Variants in MAF observed in about 807,000 individuals in gnomAD.
MAF encodes MAF bZIP transcription factor, also known as transcription factor Maf.
A neutral mutation model predicts 22.0 loss-of-function variants in MAF; 10 were observed. The observed-to-expected ratio is 0.45, with a 90% CI of 0.28 to 0.77. The LOEUF (loss-of-function observed/expected upper bound fraction) is 0.77. Ranked by LOEUF, MAF falls within the 30% of genes least tolerant of loss-of-function variation. MAF has a pLI of 0.12. For missense variants in MAF, 544 were observed against 548.4 expected (o/e 0.99, Z 0.08); for synonymous variants, 337 against 255.8 (o/e 1.32, Z -3.03).
chr16:79,369,723 T>C, the MAF span, among the ~76,000 whole-genome samples: 1 of 152,148 alleles, frequency 6.6e-6, no homozygotes, highest in Non-Finnish European at 1.5e-5. Context: ...CAGAGGGCAA[T>C]CTTACAAATC....
At chr16:79,410,032 A>C in the MAF span, among the ~76,000 whole-genome samples, 2 of 152,200 alleles carry the variant, frequency 1.3e-5, no homozygotes, top group African/African-American at 4.8e-5. Context: ...ACAAGATTGA[A>C]AACCTAACTT....
chr16:79,305,640 A>T, the MAF span, among the ~76,000 whole-genome samples: 1 of 152,180 alleles, frequency 6.6e-6, no homozygotes, highest in African/African-American at 2.4e-5. Context: ...TAAATTGGAT[A>T]CAATTTGGGG....
chr16:79,426,373 TCTAA>T, the MAF span, among the ~76,000 whole-genome samples: 7,348 of 152,292 alleles, frequency 0.048, 417 homozygotes, highest in African/African-American at 0.14. Context: ...TCATGAATTC[TCTAA>T]CTGTTTCTTT....
At chr16:79,549,798 A>G in the MAF span, among the ~76,000 whole-genome samples, 1 of 152,176 alleles carries the variant, frequency 6.6e-6, no homozygotes, top group African/African-American at 2.4e-5. Context: ...CCATCACCCT[A>G]CAGATTGAAT....
chr16:79,216,134 T>C, the MAF span, among the ~76,000 whole-genome samples: 1 of 149,884 alleles, frequency 6.7e-6, no homozygotes, highest in South Asian at 2.1e-4. Context: ...CATCTGTATA[T>C]GTATATGTCA....
the MAF span, among the ~76,000 whole-genome samples, chr16:79,356,873 C>G: frequency 6.6e-6 from 1 of 152,192 alleles, no homozygotes; most frequent in Non-Finnish European, 1.5e-5. Flanking sequence ...TTATATTTGA[C>G]AACTTGTATG....
chr16:79,595,005 G>C (rs1597842079), intron 1 of MAF: 2 of 1,065,128 alleles, frequency 1.9e-6, no homozygotes, highest in East Asian at 1.0e-4. Flanking sequence ...ACTACATCCA[G>C]AATATCACTC....
the MAF span, among the ~76,000 whole-genome samples, chr16:79,565,442 G>T: frequency 2.7e-4 from 41 of 152,226 alleles, no homozygotes; most frequent in South Asian, 7.7e-3. Context: ...TCAGTGATAT[G>T]GTTTCGCTGT....
the MAF span, among the ~76,000 whole-genome samples, chr16:79,287,186 G>A: frequency 6.7e-6 from 1 of 149,018 alleles, no homozygotes; most frequent in Admixed American, 6.8e-5. Flanking sequence ...GGTTAATTAA[G>A]CATTGCAGCC....
At chr16:79,320,151 G>A in the MAF span, among the ~76,000 whole-genome samples, 3 of 152,066 alleles carry the variant, frequency 2.0e-5, no homozygotes, top group Non-Finnish European at 4.4e-5. Flanking sequence ...AGGAGAGTTT[G>A]GTGCATATGT....
At chr16:79,559,164 C>T in the MAF span, among the ~76,000 whole-genome samples, 4 of 152,152 alleles carry the variant, frequency 2.6e-5, no homozygotes, top group African/African-American at 9.7e-5. Context: ...TAGCTAGTAA[C>T]CGGCTTGCAC....
the MAF span, among the ~76,000 whole-genome samples, chr16:79,319,895 G>A: frequency 6.6e-6 from 1 of 152,164 alleles, no homozygotes; most frequent in African/African-American, 2.4e-5. Context: ...TGTTTGATCA[G>A]GATGGTTGGA....
chr16:79,435,127 G>T, the MAF span, among the ~76,000 whole-genome samples: 2 of 152,186 alleles, frequency 1.3e-5, no homozygotes, highest in South Asian at 4.1e-4. Flanking sequence ...GTCATGCAAG[G>T]GCTCCACTTA....
the MAF span, among the ~76,000 whole-genome samples, chr16:79,494,891 G>A: frequency 2.0e-5 from 3 of 152,140 alleles, no homozygotes; most frequent in Non-Finnish European, 4.4e-5. Flanking sequence ...TAATTTGCTA[G>A]GGTGCCTCAC....
At chr16:79,344,597 G>A in the MAF span, among the ~76,000 whole-genome samples, 1 of 152,130 alleles carries the variant, frequency 6.6e-6, no homozygotes, top group African/African-American at 2.4e-5. Context: ...TCTAGAGGAG[G>A]CTCTTGGAAA....
At chr16:79,306,720 C>T in the MAF span, among the ~76,000 whole-genome samples, 7 of 152,176 alleles carry the variant, frequency 4.6e-5, no homozygotes, top group Admixed American at 3.9e-4. Context: ...TCATCACTTT[C>T]GTTCTTATCT....
At chr16:79,252,503 T>C in the MAF span, among the ~76,000 whole-genome samples, 3 of 152,140 alleles carry the variant, frequency 2.0e-5, no homozygotes, top group Non-Finnish European at 4.4e-5. Context: ...TTTTTCTTTT[T>C]TTTCGAGATA....
chr16:79,569,958 C>G, the MAF span, among the ~76,000 whole-genome samples: 2 of 151,324 alleles, frequency 1.3e-5, no homozygotes, highest in African/African-American at 2.4e-5. Flanking sequence ...TGGTGGGATC[C>G]TTTGCTGTCA....
At chr16:79,242,487 G>A in the MAF span, among the ~76,000 whole-genome samples, 1 of 151,820 alleles carries the variant, frequency 6.6e-6, no homozygotes, top group Non-Finnish European at 1.5e-5. Flanking sequence ...AGGGATCAAT[G>A]CAACAAGAAG....
Sources: allele counts gnomAD v4.1 joint callset (sites outside exome capture counted in the v4.1 genomes callset), GRCh38; gene constraint gnomAD v4.1.1; transcripts MANE v1.5; gene names NCBI Gene and HGNC (gene_info 2026-07-23, HGNC 2026-07-21).